FMN1: variants seen among roughly 807,000 people sequenced by gnomAD.
FMN1 encodes the protein formin-1.
FMN1 carries 110 observed loss-of-function variants against 132.4 expected under a neutral mutation model. That is an observed-to-expected ratio of 0.83 (90% CI 0.71 to 0.97). FMN1 has a LOEUF of 0.97. FMN1 is among the 50% of genes least tolerant of loss of function. The probability of loss-of-function intolerance (pLI) is 0.00; values close to 1 mark genes in which losing one functional copy is unlikely to be tolerated. For synonymous variants in FMN1, 722 were observed against 651.7 expected (o/e 1.11, Z -1.64); for missense variants, 1,792 against 1,705.3 (o/e 1.05, Z -0.90).
In FMN1 at chr15:33,153,646, CT is replaced by C; in HGVS notation, c.1268del (p.Lys423ArgfsTer2). 1 of 1,536,340 alleles carries C rather than the reference CT, an allele frequency of 6.5e-7. No individual in the cohort carries two copies. The highest frequency in any genetic ancestry group is 8.7e-7 in the Non-Finnish European group (1 of 1,146,956). On this transcript the variant is annotated frameshift_variant, in exon 4 of 21. Coordinates refer to ENST00000616417, the MANE Select transcript of FMN1 (RefSeq NM_001277313.2). LOFTEE classifies it high-confidence loss of function. ...AEGAVNKVPL[K>X]VIESEKLDEA... ...CATCTAACTTCTCACTCTCTATCACCTTCAGGGGGACCTTGTTCACGGCCCC... is the reference window on the plus strand; with the variant it reads ...CATCTAACTTCTCACTCTCTATCACCTCAGGGGGACCTTGTTCACGGCCCC...
At chr15:33,127,830 G>C (rs186820323) in intron 4 of FMN1, among the ~76,000 whole-genome samples, 5 of 152,180 alleles carry the variant, frequency 3.3e-5, no homozygotes, top group African/African-American at 9.6e-5. Context: ...CAGTCTCCCT[G>C]AAAAATTCTG....
At chr15:32,995,379 G>T (rs1282573943) in intron 7 of FMN1, among the ~76,000 whole-genome samples, 1 of 152,124 alleles carries the variant, frequency 6.6e-6, no homozygotes, top group East Asian at 1.9e-4. Flanking sequence ...CACTCAAAAA[G>T]TCTCTCCCTC....
At position 32,877,873 on chromosome 15, in the gene FMN1, T is replaced by C. The variant is rs574339204; in HGVS notation, c.3835+10299A>G. ...ATTTCTTCCATTGTTCATTTGCTCA[T>C]TCATTCACCCATTTACCAAATATTG... On this transcript the variant is annotated intron_variant, in intron 16 of 20. Transcript: ENST00000616417. Among the ~76,000 whole-genome samples the C allele has an allele frequency of 3.9e-4, 57 of 147,962 alleles. 1 individual carries two copies. In the South Asian group the frequency reaches 0.011, roughly 29 times the overall value.
chr15:33,123,899 C>G (rs977630423), intron 4 of FMN1, among the ~76,000 whole-genome samples: 1 of 152,220 alleles, frequency 6.6e-6, no homozygotes, highest in South Asian at 2.1e-4. Context: ...TATAAGGAAT[C>G]TCTCTACATC....
chr15:32,964,016 T>TACATACAC (rs2030910851), intron 9 of FMN1, 91 bp downstream of exon 9: 2 of 506,190 alleles, frequency 4.0e-6, no homozygotes, highest in East Asian at 2.9e-5. Context: ...GTATATACGA[T>TACATACAC]ACACACACAC....
chr15:33,032,493 A>G (rs1596513778), intron 6 of FMN1, among the ~76,000 whole-genome samples: 3 of 152,216 alleles, frequency 2.0e-5, no homozygotes, highest in African/African-American at 7.2e-5. Context: ...GTATTTTCTA[A>G]TTTTTCTACA....
At chr15:33,067,856 C>A in intron 5 of FMN1, 2 of 1,612,368 alleles carry the variant, frequency 1.2e-6, no homozygotes, top group South Asian at 2.2e-5. Context: ...CACATCACTG[C>A]CATCCAGAGA....
intron 6 of FMN1, among the ~76,000 whole-genome samples, chr15:33,013,578 T>C (rs536598270): frequency 6.6e-6 from 1 of 152,232 alleles, no homozygotes; most frequent in African/African-American, 2.4e-5. Flanking sequence ...ATTATCTTTA[T>C]GCATATCTAA....
Position 33,154,555 on chromosome 15 carries a change from T to C in FMN1, c.360A>G (p.Gln120=). 6.5e-7 allele frequency: 1 copy of C among 1,536,110 alleles called. No individual in the cohort carries two copies. Among genetic ancestry groups the C allele is most frequent in the Admixed American group, 2.0e-5 (1 of 50,998 alleles). ...ITMGNQEGKL[Q]ELSVSLAPED... ...CGGGGGCCAGGCTCACGGACAGCTC[T>C]TGCAGCTTCCCCTCCTGGTTCCCCA... Residue 120 remains glutamine, a synonymous_variant, in exon 4 of 21, where the codon CAA becomes CAG. Coordinates refer to ENST00000616417, the MANE Select transcript of FMN1 (RefSeq NM_001277313.2).
Position 32,926,963 on chromosome 15 carries a change from T to C in FMN1, c.3139-702A>G, listed in dbSNP as rs78754696. ...CCACACCCAGCTAATTTTTAAATTTTTTTATAGAGACAAGGTCTCCATAAA... is the reference window on the plus strand; with the variant it reads ...CCACACCCAGCTAATTTTTAAATTTCTTTATAGAGACAAGGTCTCCATAAA... On this transcript the variant is annotated intron_variant, in intron 9 of 20. Transcript: ENST00000616417. 2.3e-3 allele frequency among the ~76,000 whole-genome samples: 353 copies of C among 152,248 alleles called. 10 individuals carry two copies. In the East Asian group the frequency reaches 0.054, roughly 23 times the overall value.
At chr15:32,875,751 C>T (rs1405685050) in intron 16 of FMN1, among the ~76,000 whole-genome samples, 1 of 152,192 alleles carries the variant, frequency 6.6e-6, no homozygotes, top group Non-Finnish European at 1.5e-5. Context: ...TGTGAATCTT[C>T]CACAGAGTCA....
At chr15:33,006,914 T>G (rs1305842625) in intron 7 of FMN1, among the ~76,000 whole-genome samples, 2 of 151,970 alleles carry the variant, frequency 1.3e-5, no homozygotes, top group African/African-American at 4.8e-5. Flanking sequence ...GGGGAAGGAT[T>G]AGGGAGATGT....
At chr15:32,807,148 T>C (rs2057710714) in intron 17 of FMN1, among the ~76,000 whole-genome samples, 1 of 152,246 alleles carries the variant, frequency 6.6e-6, no homozygotes, top group African/African-American at 2.4e-5. Context: ...AAAAACTTTA[T>C]ATTTAGAATA....
intron 6 of FMN1, among the ~76,000 whole-genome samples, chr15:33,052,396 CA>C (rs1346264931): frequency 2.0e-5 from 3 of 152,186 alleles, no homozygotes; most frequent in Non-Finnish European, 4.4e-5. Context: ...AGCATGGACA[CA>C]ACCATGCAAA....
intron 8 of FMN1, among the ~76,000 whole-genome samples, chr15:32,967,975 A>T (rs1038017091): frequency 6.6e-6 from 1 of 152,242 alleles, no homozygotes; most frequent in Non-Finnish European, 1.5e-5. Flanking sequence ...CTCAGAAATA[A>T]GGCAGAACAA....
chr15:32,985,776 CTT>C (rs1322567197), intron 7 of FMN1, among the ~76,000 whole-genome samples: 2 of 152,066 alleles, frequency 1.3e-5, no homozygotes, highest in Non-Finnish European at 2.9e-5. Context: ...TCCCAACTGA[CTT>C]ATCTTACAAT....
chr15:32,797,529 G>T (rs565726320), intron 19 of FMN1, among the ~76,000 whole-genome samples: 5 of 152,134 alleles, frequency 3.3e-5, no homozygotes, highest in African/African-American at 1.2e-4. Context: ...ACTATGGGTT[G>T]GGTGCCAAGA....
At chr15:32,834,387 C>T (rs1596040290) in intron 17 of FMN1, among the ~76,000 whole-genome samples, 1 of 152,102 alleles carries the variant, frequency 6.6e-6, no homozygotes, top group African/African-American at 2.4e-5. Flanking sequence ...GAAGTAAGAC[C>T]TTAATTACAT....
chr15:32,853,712 C>G (rs887817662), intron 17 of FMN1, among the ~76,000 whole-genome samples: 7 of 152,180 alleles, frequency 4.6e-5, no homozygotes, highest in Non-Finnish European at 1.5e-5. Flanking sequence ...TATTTCTTAA[C>G]CACAAACCCT....
Sources: gnomAD v4.1 joint callset for allele counts (sites outside exome capture counted in the v4.1 genomes callset) on GRCh38, gnomAD v4.1.1 for gene constraint, MANE v1.5 for transcripts, NCBI Gene and HGNC (gene_info 2026-07-23, HGNC 2026-07-21) for gene names.